ATL2: variants seen among roughly 807,000 people sequenced by gnomAD.
ATL2 encodes the protein atlastin GTPase 2, also known as atlastin-2.
In ATL2, 31 loss-of-function variants were observed where a neutral mutation model predicts 73.9. That is an observed-to-expected ratio of 0.42 (90% CI 0.32 to 0.57). ATL2 has a LOEUF of 0.57. Ranked by LOEUF, ATL2 falls within the 20% of genes least tolerant of loss-of-function variation. The pLI is 0.14. For missense variants in ATL2, 738 were observed against 702.6 expected, an observed-to-expected ratio of 1.05 and a Z score of -0.57; for synonymous variants, 291 against 237.5, an observed-to-expected ratio of 1.23 and a Z score of -2.07.
At chr2:38,373,207 T>A (rs1671781104) in intron 1 of ATL2, among the ~76,000 whole-genome samples, 2 of 152,150 alleles carry the variant, frequency 1.3e-5, no homozygotes, top group African/African-American at 4.8e-5. Context: ...ATCCTCCCTA[T>A]GATTAAAGAA....
chr2:38,343,605 A>C (rs1669856304), intron 1 of ATL2, 93 bp from the exon 2 acceptor site: 1 of 1,098,348 alleles, frequency 9.1e-7, no homozygotes, highest in African/African-American at 2.4e-5. Context: ...TCAAGTAAGT[A>C]ATTGCCCCCT....
chr2:38,367,375 G>A (rs937941746), intron 1 of ATL2, among the ~76,000 whole-genome samples: 2 of 151,326 alleles, frequency 1.3e-5, no homozygotes, highest in African/African-American at 4.8e-5. Flanking sequence ...AGGCCAAGGC[G>A]GGCAGATCAC....
chr2:38,343,607 T>C (rs930313310), intron 1 of ATL2, 95 bp from the exon 2 acceptor site: 16 of 1,087,812 alleles, frequency 1.5e-5, no homozygotes, highest in African/African-American at 1.2e-4. Context: ...AAGTAAGTAA[T>C]TGCCCCCTCC....
intron 1 of ATL2, among the ~76,000 whole-genome samples, chr2:38,350,800 CCTGT>C (rs1396535868): frequency 6.6e-6 from 1 of 151,950 alleles, no homozygotes; most frequent in African/African-American, 2.4e-5. Context: ...AAATAAGACA[CCTGT>C]CTTTTTGTTG....
rs1023381010 is a variant in ATL2 at position 38,358,492 on chromosome 2, G to C, written c.119-14980C>G. The C allele has an allele frequency of 2.7e-4, 58 of 217,164 alleles. No individual in the cohort carries two copies. The Admixed American group carries it at 2.9e-3, about 11-fold the overall frequency. The allele number at this position is 217,164 out of a possible 1,614,324, so 13.5% of individuals were successfully genotyped here. A position where few individuals can be genotyped will look rare whatever the true frequency, so the allele number is the denominator to read the frequency against. ...CCAAGGCGGGCGGATCACGAGGTCAGGAGATCGAGACCACAGGGAAACCCC... is the reference window on the plus strand; with the variant it reads ...CCAAGGCGGGCGGATCACGAGGTCACGAGATCGAGACCACAGGGAAACCCC... On this transcript the variant is annotated intron_variant, in intron 1 of 12. Coordinates refer to ENST00000378954, the MANE Select transcript of ATL2 (RefSeq NM_001135673.4).
In ATL2 at chr2:38,373,993, G is replaced by GC. The variant is rs1384281570; in HGVS notation, c.118+3149dup. Among the ~76,000 whole-genome samples, 11 of 152,244 alleles carry GC rather than the reference G, an allele frequency of 7.2e-5. No homozygotes were observed. In the East Asian group the frequency reaches 2.1e-3, roughly 29 times the overall value. ...GGCAACCTCCACCTCCCAGGTTCAA[G>GC]CGATTCTCCTGCCTCAGCCTCCTAA... On this transcript the variant is annotated intron_variant, in intron 1 of 12. Transcript: ENST00000378954.
rs575937124 is a variant in ATL2 at position 38,340,410 on chromosome 2, G to T, written c.363+2858C>A. On this transcript the variant is annotated intron_variant, in intron 2 of 12. Coordinates refer to ENST00000378954, the MANE Select transcript of ATL2 (RefSeq NM_001135673.4). ...AAATAAGCAAATAAGAATTAGAAGTGGGGGGGGCAGGGCATAGAATACTTG... is the reference window on the plus strand; with the variant it reads ...AAATAAGCAAATAAGAATTAGAAGTTGGGGGGGCAGGGCATAGAATACTTG... Among the ~76,000 whole-genome samples the T allele has an allele frequency of 1.7e-3, 262 of 150,866 alleles. 2 individuals carry two copies. The highest frequency in any genetic ancestry group is 5.9e-3 in the African/African-American group (240 of 40,876).
intron 2 of ATL2, among the ~76,000 whole-genome samples, chr2:38,325,623 TACATACACACAC>T (rs1222310234): frequency 2.1e-5 from 2 of 93,428 alleles, no homozygotes; most frequent in African/African-American, 5.1e-5. Flanking sequence ...CACACACCAG[TACATACACACAC>T]ACACACACAC....
chr2:38,376,118 A>C lies in ATL2; in HGVS notation c.118+1025T>G, dbSNP rs143781075. 136 of 1,515,356 alleles carry C rather than the reference A, an allele frequency of 9.0e-5. 2 individuals carry two copies. In the African/African-American group the frequency reaches 1.6e-3, roughly 18 times the overall value. 93.9% of individuals were successfully genotyped at this position (1,515,356 alleles called of 1,614,324 possible). The stretch of plus-strand genomic sequence containing the variant: ...ACTCTTATCTTGGCCGTACTTACCA[A>C]ATCGTAGGCTTTTACTATTTATAAG... On this transcript the variant is annotated intron_variant, in intron 1 of 12. Transcript: ENST00000378954.
intron 12 of ATL2, among the ~76,000 whole-genome samples, chr2:38,297,687 AC>A (rs1666969398): frequency 6.6e-6 from 1 of 152,154 alleles, no homozygotes; most frequent in Admixed American, 6.5e-5. Flanking sequence ...GGAAATCACT[AC>A]CATCTTCATG....
intron 1 of ATL2, among the ~76,000 whole-genome samples, chr2:38,353,687 C>T (rs1169787879): frequency 6.6e-6 from 1 of 152,096 alleles, no homozygotes; most frequent in African/African-American, 2.4e-5. Flanking sequence ...GCAGAATATT[C>T]AAGTAATTAT....
intron 1 of ATL2, among the ~76,000 whole-genome samples, chr2:38,349,133 G>T (rs1670195816): frequency 6.6e-6 from 1 of 151,858 alleles, no homozygotes; most frequent in Non-Finnish European, 1.5e-5. Flanking sequence ...CAGGGATCTA[G>T]AACTAGAAAT....
intron 1 of ATL2, among the ~76,000 whole-genome samples, chr2:38,344,372 G>A (rs1573535802): frequency 6.6e-6 from 1 of 152,198 alleles, no homozygotes; most frequent in Non-Finnish European, 1.5e-5. Flanking sequence ...CACTTTGGGA[G>A]GCCGAGGCAG....
At position 38,354,774 on chromosome 2, in the gene ATL2, CA is replaced by C. The variant is rs1357415443; in HGVS notation, c.119-11263del. Among the ~76,000 whole-genome samples, 4 of 152,212 alleles carry C rather than the reference CA, an allele frequency of 2.6e-5. No individual in the cohort carries two copies. In the East Asian group the frequency reaches 7.8e-4, roughly 30 times the overall value. ...GTGTGGTGGCACATCCCTGTAATCC[CA>C]GTTACTCGGGAAGCTGAGGCAGGAG... On this transcript the variant is annotated intron_variant, in intron 1 of 12. Coordinates refer to ENST00000378954, the MANE Select transcript of ATL2 (RefSeq NM_001135673.4).
chr2:38,370,160 A>AAAAAG (rs1671590216), intron 1 of ATL2, among the ~76,000 whole-genome samples: 2 of 148,618 alleles, frequency 1.3e-5, no homozygotes, highest in African/African-American at 5.0e-5. Context: ...CAAAAAAAAA[A>AAAAAG]AAAAAAAAAA....
At chr2:38,306,867 A>G (rs761348097) in intron 9 of ATL2, among the ~76,000 whole-genome samples, 5 of 152,176 alleles carry the variant, frequency 3.3e-5, no homozygotes, top group Non-Finnish European at 5.9e-5. Flanking sequence ...CACCACTGCT[A>G]TTCTACACAG....
chr2:38,325,657 CCAG>C (rs1668570538), intron 2 of ATL2, among the ~76,000 whole-genome samples: 1 of 36,366 alleles, frequency 2.7e-5, no homozygotes, highest in Admixed American at 2.7e-4. Flanking sequence ...CACACACACA[CCAG>C]TACACACACA....
Position 38,294,325 on chromosome 2 carries a change from G to A in ATL2, c.*1669C>T, listed in dbSNP as rs1355837281. Among the ~76,000 whole-genome samples the A allele has an allele frequency of 6.6e-6, 1 of 152,220 alleles. No individual in the cohort carries two copies. The highest frequency in any genetic ancestry group is 1.5e-5 in the Non-Finnish European group (1 of 68,044). On this transcript the variant is annotated 3_prime_UTR_variant, in exon 13 of 13. Transcript: ENST00000378954. ...ACACTTTGGGAGGCCAAGGCAGGCG[G>A]ATCACAAGGTCAGGCGATTGAGACC...
intron 11 of ATL2, 62 bp downstream of exon 11, chr2:38,299,194 T>G (rs980421684): frequency 8.3e-5 from 116 of 1,402,682 alleles, no homozygotes; most frequent in Admixed American, 6.2e-5. Flanking sequence ...TTTTTTAATT[T>G]TTTTTTTTTT....
Sources: gnomAD v4.1 joint callset for allele counts (sites outside exome capture counted in the v4.1 genomes callset) on GRCh38, gnomAD v4.1.1 for gene constraint, MANE v1.5 for transcripts, NCBI Gene and HGNC (gene_info 2026-07-23, HGNC 2026-07-21) for gene names.